The following SNTG2 variants were observed in gnomAD, a reference collection of about 807,000 sequenced individuals.
SNTG2 encodes the protein gamma-2-syntrophin.
SNTG2 carries 74 observed loss-of-function variants against 70.9 expected under a neutral mutation model. The ratio of observed to expected loss-of-function variants is 1.04; its 90% CI spans 0.86 to 1.27. The LOEUF (loss-of-function observed/expected upper bound fraction) is 1.27. Ranked by LOEUF, SNTG2 falls within the 50% of genes most tolerant of loss-of-function variation. The pLI is 0.00. For synonymous variants in SNTG2, 278 were observed against 273.8 expected (o/e 1.02, Z -0.15); for missense variants, 717 against 690.7 (o/e 1.04, Z -0.43).
chr2:1,099,390 T>G (rs1665614156), intron 4 of SNTG2, among the ~76,000 whole-genome samples: 3 of 152,220 alleles, frequency 2.0e-5, no homozygotes, highest in African/African-American at 7.2e-5. Context: ...GGGGACATGC[T>G]TCTCTCCACG....
chr2:1,043,955 G>C (rs1250559260), intron 1 of SNTG2, among the ~76,000 whole-genome samples: 1 of 152,032 alleles, frequency 6.6e-6, no homozygotes, highest in African/African-American at 2.4e-5. Context: ...GAAAAATATT[G>C]GTAGTTTGAT....
At chr2:1,300,001 G>A (rs1176841225) in intron 14 of SNTG2, among the ~76,000 whole-genome samples, 1 of 150,606 alleles carries the variant, frequency 6.6e-6, no homozygotes, top group Non-Finnish European at 1.5e-5. Context: ...CTGCTCTGAA[G>A]GGCGTGCAAG....
chr2:1,250,324 C>G (rs938765593), intron 12 of SNTG2, among the ~76,000 whole-genome samples: 4 of 152,198 alleles, frequency 2.6e-5, no homozygotes, highest in African/African-American at 7.2e-5. Flanking sequence ...CTGGCAACAT[C>G]TGCTTGTCCA....
chr2:1,271,834 G>C (rs1277362250), intron 14 of SNTG2, among the ~76,000 whole-genome samples: 1 of 152,062 alleles, frequency 6.6e-6, no homozygotes, highest in Non-Finnish European at 1.5e-5. Context: ...TTGGCTGATT[G>C]GCTTCTCATC....
At chr2:1,364,617 G>A (rs908921620) in intron 16 of SNTG2, among the ~76,000 whole-genome samples, 2 of 151,522 alleles carry the variant, frequency 1.3e-5, no homozygotes, top group African/African-American at 2.4e-5. Context: ...AATTAGCCAG[G>A]CATGGTGGTG....
intron 1 of SNTG2, among the ~76,000 whole-genome samples, chr2:1,020,471 TTCTGAAAACCCAC>T (rs1390816824): frequency 6.6e-6 from 1 of 152,236 alleles, no homozygotes; most frequent in Non-Finnish European, 1.5e-5. Flanking sequence ...CAAAGAGCTG[TTCTGAAAACCCAC>T]TCAGCATCTG....
Position 985,521 on chromosome 2 carries a change from CAG to C in SNTG2, c.72+34457_72+34458del, listed in dbSNP as rs1279324946. On this transcript the variant is annotated intron_variant, in intron 1 of 16. Coordinates refer to ENST00000308624, the MANE Select transcript of SNTG2 (RefSeq NM_018968.4). ...CCAGCTCCCCCTCTGCTGGGCCAGG[CAG>C]AGACACCCTGGGAGGATCTAATCCT... Among the ~76,000 whole-genome samples, 9 of 152,238 alleles carry C rather than the reference CAG, an allele frequency of 5.9e-5. No homozygotes were observed. In the South Asian group the frequency reaches 6.2e-4, roughly 11 times the overall value.
chr2:1,076,488 G>A (rs7562749), intron 1 of SNTG2, among the ~76,000 whole-genome samples: 124,501 of 152,174 alleles, frequency 0.82, 50,983 homozygotes, highest in Admixed American at 0.89. Flanking sequence ...ATACATTTTT[G>A]TCACACTTTG....
intron 1 of SNTG2, among the ~76,000 whole-genome samples, chr2:979,791 CT>C (rs1420947813): frequency 9.9e-5 from 15 of 152,108 alleles, no homozygotes; most frequent in Admixed American, 7.9e-4. Context: ...TCTTTTAACT[CT>C]TAGTGGCATA....
intron 4 of SNTG2, among the ~76,000 whole-genome samples, chr2:1,109,998 G>T (rs1486187273): frequency 6.6e-6 from 1 of 152,190 alleles, no homozygotes; most frequent in Non-Finnish European, 1.5e-5. Context: ...GGCCATCTGA[G>T]CTACAGTGGG....
At chr2:996,761 G>T (rs985146839) in intron 1 of SNTG2, among the ~76,000 whole-genome samples, 5 of 138,334 alleles carry the variant, frequency 3.6e-5, no homozygotes, top group Non-Finnish European at 7.6e-5. Context: ...AGATGCTGGG[G>T]TACCTAAAAT....
intron 2 of SNTG2, among the ~76,000 whole-genome samples, chr2:1,087,394 C>T (rs957300567): frequency 2.7e-4 from 41 of 152,234 alleles, no homozygotes; most frequent in African/African-American, 8.9e-4. Flanking sequence ...TATCAGAATT[C>T]AAAGTACATC....
At chr2:1,274,368 G>A (rs1046646843) in intron 14 of SNTG2, among the ~76,000 whole-genome samples, 3 of 152,212 alleles carry the variant, frequency 2.0e-5, no homozygotes, top group Non-Finnish European at 4.4e-5. Flanking sequence ...TCAAAAATGT[G>A]TGTGTATCTA....
At chr2:953,382 A>T (rs1360537930) in intron 1 of SNTG2, among the ~76,000 whole-genome samples, 1 of 152,220 alleles carries the variant, frequency 6.6e-6, no homozygotes, top group Non-Finnish European at 1.5e-5. Flanking sequence ...CGCTGGAAGA[A>T]TTATTGGCAT....
chr2:1,243,843 T>C (rs113181342), intron 11 of SNTG2, among the ~76,000 whole-genome samples: 5 of 152,326 alleles, frequency 3.3e-5, no homozygotes, highest in African/African-American at 9.6e-5. Context: ...CTGGCCAACA[T>C]GGTGAAACCC....
At chr2:1,335,364 C>T (rs1315919354) in intron 16 of SNTG2, among the ~76,000 whole-genome samples, 1 of 152,158 alleles carries the variant, frequency 6.6e-6, no homozygotes, top group African/African-American at 2.4e-5. Context: ...TGGCCTGAGC[C>T]GTCAGCAGCC....
At chr2:1,195,355 C>T (rs745786143) in intron 8 of SNTG2, among the ~76,000 whole-genome samples, 2 of 152,256 alleles carry the variant, frequency 1.3e-5, no homozygotes, top group East Asian at 1.9e-4. Flanking sequence ...AGTGTAAAAG[C>T]GTTCCTATTT....
intron 1 of SNTG2, among the ~76,000 whole-genome samples, chr2:1,060,531 C>G (rs561991954): frequency 8.8e-4 from 134 of 152,256 alleles, no homozygotes; most frequent in African/African-American, 2.8e-3. Context: ...GGAACCAGGG[C>G]CCCTGAGGAC....
chr2:1,274,695 C>T (rs1368115886), intron 14 of SNTG2, among the ~76,000 whole-genome samples: 1 of 152,100 alleles, frequency 6.6e-6, no homozygotes, highest in Non-Finnish European at 1.5e-5. Context: ...TCGATCAGGA[C>T]GTTTCTGCCT....
Sources: allele counts gnomAD v4.1 joint callset (sites outside exome capture counted in the v4.1 genomes callset), GRCh38; gene constraint gnomAD v4.1.1; transcripts MANE v1.5; gene names NCBI Gene and HGNC (gene_info 2026-07-23, HGNC 2026-07-21).